UNG: variants seen among roughly 807,000 people sequenced by gnomAD.
UNG encodes uracil DNA glycosylase.
In UNG, 34 loss-of-function variants were observed where a neutral mutation model predicts 36.5. The ratio of observed to expected loss-of-function variants is 0.93; its 90% confidence interval spans 0.71 to 1.24. The LOEUF is 1.24. Among genes scored for constraint, UNG ranks in the 50% most tolerant of loss-of-function variants. UNG has a pLI of 0.00. For missense variants in UNG, 391 were observed against 397.6 expected, an observed-to-expected ratio of 0.98 and a Z score of 0.14; for synonymous variants, 172 against 157.8, an observed-to-expected ratio of 1.09 and a Z score of -0.67.
At position 109,097,826 on chromosome 12, in the gene UNG, G is replaced by T; in HGVS notation, c.132+15G>T. On this transcript the variant is annotated intron_variant, in intron 1 of 6. Transcript: ENST00000242576. ...GAGATGCGGCGGTGAGGCGCGGCTT[G>T]GGCCGGGGCTAGGGGGTGAAGGGGG... 6.5e-7 allele frequency: 1 copy of T among 1,534,958 alleles called. No individual in the cohort carries two copies. Among genetic ancestry groups the T allele is most frequent in the East Asian group, 2.5e-5 (1 of 40,638 alleles).
intron 6 of UNG, among the ~76,000 whole-genome samples, chr12:109,108,279 A>G (rs945232580): frequency 1.3e-5 from 2 of 152,178 alleles, no homozygotes; most frequent in Non-Finnish European, 2.9e-5. Context: ...TTTCGACTTT[A>G]CAATGGTGTA....
chr12:109,107,033 C>T (rs1430461852), intron 6 of UNG, among the ~76,000 whole-genome samples: 5 of 148,702 alleles, frequency 3.4e-5, no homozygotes, highest in African/African-American at 1.2e-4. Context: ...ACATGCTACA[C>T]AGGTTTGTAG....
chr12:109,098,220 C>T, intron 1 of UNG: 2 of 1,466,446 alleles, frequency 1.4e-6, no homozygotes, highest in East Asian at 2.4e-5. Flanking sequence ...CCATAGGGCG[C>T]CTCCCAGCCC....
At chr12:109,102,175 G>A (rs1016293782) in intron 4 of UNG, among the ~76,000 whole-genome samples, 176 bp downstream of exon 4, 3 of 152,170 alleles carry the variant, frequency 2.0e-5, no homozygotes, top group African/African-American at 4.8e-5. Flanking sequence ...AGGAGGAGAG[G>A]AGTCCTGTGC....
Position 109,098,687 on chromosome 12 carries a change from G to T in UNG, c.339+49G>T, listed in dbSNP as rs200609190. 337 of 1,611,434 alleles carry T rather than the reference G, an allele frequency of 2.1e-4. 2 individuals carry two copies. The Admixed American group carries it at 5.2e-3, about 25-fold the overall frequency. On this transcript the variant is annotated intron_variant, in intron 2 of 6. Coordinates refer to ENST00000242576, the MANE Select transcript of UNG (RefSeq NM_080911.3). Reference sequence around the variant, plus strand: ...ATAAGGGTAAATGTGGAGGCTGCCGGCCCTTTTGTCTTGTTAGTGTAGCCG... The same window carrying T: ...ATAAGGGTAAATGTGGAGGCTGCCGTCCCTTTTGTCTTGTTAGTGTAGCCG...
At chr12:109,108,085 A>G (rs1324261250) in intron 6 of UNG, among the ~76,000 whole-genome samples, 1 of 152,132 alleles carries the variant, frequency 6.6e-6, no homozygotes, top group Non-Finnish European at 1.5e-5. Context: ...TATCTTTCGC[A>G]TGTTTTTCTA....
rs770071555 is a variant in UNG at position 109,102,048 on chromosome 12, A to G, written c.533+49A>G. 16 of 1,531,746 alleles carry G rather than the reference A, an allele frequency of 1.0e-5. No individual in the cohort carries two copies. The Middle Eastern group carries it at 1.5e-3, about 139-fold the overall frequency. 94.9% of individuals were successfully genotyped at this position (1,531,746 alleles called of 1,614,324 possible). On this transcript the variant is annotated intron_variant, in intron 4 of 6. Transcript: ENST00000242576. The stretch of plus-strand genomic sequence containing the variant: ...GCAGTCCAGACATGATTCCTTTCAG[A>G]TGTGTACTTAGCTTATTACAAGTGG...
At chr12:109,106,997 A>T (rs2042223092) in intron 6 of UNG, among the ~76,000 whole-genome samples, 1 of 144,600 alleles carries the variant, frequency 6.9e-6, no homozygotes, top group Non-Finnish European at 1.5e-5. Flanking sequence ...ATTGTGTCAC[A>T]GTTGCCTATA....
In UNG at chr12:109,102,853, A is replaced by T. The variant is rs745764048; in HGVS notation, c.548A>T (p.Tyr183Phe). The T allele has an allele frequency of 6.2e-7, 1 of 1,612,794 alleles. No individual in the cohort carries two copies. Among genetic ancestry groups the T allele is most frequent in the Non-Finnish European group, 8.5e-7 (1 of 1,179,578 alleles). The change falls in exon 5 of 7, where the codon TAT (tyrosine) becomes TTT (phenylalanine). Residue 183 changes from tyrosine to phenylalanine, a missense_variant. Transcript: ENST00000242576. ...VPPPPSLENI[Y>F]KELSTDIEDF... ...CTTGCTTTCAGTTTGGAGAACATTT[A>T]TAAAGAGTTGTCTACAGACATAGAG...
chr12:109,098,280 C>T (rs1289245288), intron 1 of UNG, 152 bp from the exon 2 acceptor site: 1 of 1,546,282 alleles, frequency 6.5e-7, no homozygotes, highest in Admixed American at 2.0e-5. Flanking sequence ...GGACCGGGCC[C>T]AGCCCTGGGC....
rs762652189 is a variant in UNG at position 109,097,628 on chromosome 12, T to G, written c.-52T>G. On this transcript the variant is annotated 5_prime_UTR_variant, in exon 1 of 7. Transcript: ENST00000242576. ...TGACCGCCACAGCCACAGCCAGGGC[T>G]AGCCTCGCCGGTTCCCGGGTGGCGC... is the stretch of plus-strand genomic sequence containing the variant. 1.3e-5 allele frequency: 21 copies of G among 1,585,346 alleles called. No individual in the cohort carries two copies. The highest frequency in any genetic ancestry group is 1.7e-5 in the Non-Finnish European group (20 of 1,165,656).
intron 6 of UNG, among the ~76,000 whole-genome samples, chr12:109,107,896 G>A (rs2042229897): frequency 6.6e-6 from 1 of 152,028 alleles, no homozygotes; most frequent in South Asian, 2.1e-4. Flanking sequence ...CTTAGGAGCT[G>A]TAAGACTATT....
chr12:109,098,160 C>T, intron 1 of UNG: 6 of 1,366,926 alleles, frequency 4.4e-6, no homozygotes, highest in Middle Eastern at 2.7e-4. Flanking sequence ...CTGGCGGGGG[C>T]GGGGCACCTC....
intron 6 of UNG, among the ~76,000 whole-genome samples, chr12:109,106,817 A>G (rs1279449694): frequency 7.2e-6 from 1 of 139,086 alleles, no homozygotes; most frequent in Non-Finnish European, 1.6e-5. Context: ...CAGTTAGCTG[A>G]GATCATGCCA....
At chr12:109,099,674 C>T (rs1479833435) in intron 3 of UNG, among the ~76,000 whole-genome samples, 1 of 152,216 alleles carries the variant, frequency 6.6e-6, no homozygotes, top group East Asian at 1.9e-4. Context: ...CACTTTCAAG[C>T]TCTTGACTTC....
At position 109,109,879 on chromosome 12, in the gene UNG, T is replaced by C. The variant is rs2042248092; in HGVS notation, c.852T>C (p.Tyr284=). 1.2e-6 allele frequency: 2 copies of C among 1,613,900 alleles called. No individual in the cohort carries two copies. The highest frequency in any genetic ancestry group is 1.7e-5 in the Admixed American group (1 of 59,976). ...QTAHPSPLSV[Y]RGFFGCRHFS... ...CTCATCCCTCCCCTTTGTCAGTGTATAGAGGGTTCTTTGGATGTAGACACT... is the reference window on the plus strand; with the variant it reads ...CTCATCCCTCCCCTTTGTCAGTGTACAGAGGGTTCTTTGGATGTAGACACT... Residue 284 remains tyrosine, a synonymous_variant, in exon 7 of 7, where the codon TAT becomes TAC. Transcript: ENST00000242576.
At chr12:109,107,482 G>A (rs2042226247) in intron 6 of UNG, among the ~76,000 whole-genome samples, 1 of 151,076 alleles carries the variant, frequency 6.6e-6, no homozygotes, top group Non-Finnish European at 1.5e-5. Context: ...TGGGATTACA[G>A]GCGTGAGCTA....
chr12:109,098,493 C>A lies in UNG; in HGVS notation c.194C>A (p.Pro65Gln), dbSNP rs199956941. 1.9e-6 allele frequency: 3 copies of A among 1,612,482 alleles called. No individual in the cohort carries two copies. In the Admixed American group the frequency reaches 5.0e-5, roughly 27 times the overall value. The change falls in exon 2 of 7, where the codon CCG becomes CAG. Residue 65 changes from proline (P) to glutamine (Q), a missense_variant. Physicochemically the swap from Pro to Gln is moderately conservative, Grantham distance 76. Coordinates refer to ENST00000242576, the MANE Select transcript of UNG (RefSeq NM_080911.3). ...QEEPGTPPSS[P>Q]LSAEQLDRIQ... ...GAGCCTGGGACGCCGCCCTCCTCGC[C>A]GCTGAGTGCCGAGCAGTTGGACCGG...
At chr12:109,101,257 T>C (rs1399293317) in intron 3 of UNG, among the ~76,000 whole-genome samples, 1 of 151,660 alleles carries the variant, frequency 6.6e-6, no homozygotes, top group Non-Finnish European at 1.5e-5. Context: ...CACACCCAGC[T>C]AATTTTTGTA....
Sources: gnomAD v4.1 joint callset for allele counts (sites outside exome capture counted in the v4.1 genomes callset) on GRCh38, gnomAD v4.1.1 for gene constraint, MANE v1.5 for transcripts, NCBI Gene and HGNC (gene_info 2026-07-23, HGNC 2026-07-21) for gene names.